Variants in MRTFB observed in about 807,000 individuals in gnomAD.
The protein encoded by MRTFB is myocardin related transcription factor B.
Under a neutral mutation model 104.2 loss-of-function variants are expected in MRTFB, and 29 were observed. The ratio of observed to expected loss-of-function variants is 0.28; its 90% CI spans 0.21 to 0.38. The LOEUF (loss-of-function observed/expected upper bound fraction) is 0.38, where lower values mean the gene tolerates loss of function less well. Ranked by LOEUF, MRTFB falls within the 10% of genes least tolerant of loss-of-function variation. MRTFB has a pLI of 1.00. For missense variants in MRTFB, 1,270 were observed against 1,341.6 expected (o/e 0.95, Z 0.83); for synonymous variants, 535 against 519.5 (o/e 1.03, Z -0.41).
At chr16:14,182,183 C>T (rs2039792701) in intron 3 of MRTFB, among the ~76,000 whole-genome samples, 2 of 152,332 alleles carry the variant, frequency 1.3e-5, no homozygotes, top group African/African-American at 4.8e-5. Flanking sequence ...TCTCCTCCAT[C>T]TCTCCCTAAT....
the MRTFB span, among the ~76,000 whole-genome samples, chr16:13,995,791 G>A: frequency 6.6e-6 from 1 of 152,026 alleles, no homozygotes; most frequent in African/African-American, 2.4e-5. Context: ...TAACCAACTA[G>A]ATCTAGTGAG....
At chr16:14,006,332 A>G in the MRTFB span, among the ~76,000 whole-genome samples, 21 of 150,612 alleles carry the variant, frequency 1.4e-4, no homozygotes, top group East Asian at 3.7e-3. Flanking sequence ...AACAAGAGCA[A>G]AACTCGTCTC....
At chr16:14,036,634 A>G in the MRTFB span, among the ~76,000 whole-genome samples, 1 of 151,428 alleles carries the variant, frequency 6.6e-6, no homozygotes, top group Non-Finnish European at 1.5e-5. Context: ...TATACATTCC[A>G]TCATATATAT....
Position 14,246,729 on chromosome 16 carries a change from C to A in MRTFB, c.1469C>A (p.Thr490Asn), listed in dbSNP as rs1279753861. Residue 490 changes from threonine (T) to asparagine (N), a missense_variant, in exon 12 of 17, where the codon ACC (threonine) becomes AAC (asparagine). By Grantham distance (65) the Thr-to-Asn change is moderately conservative. Coordinates refer to ENST00000571589, the MANE Select transcript of MRTFB (RefSeq NM_001308142.2). ...AAGGCAGAATTGCCACCTACAGGAA[C>A]CAGCAACGCAACCCGTGTGGAAAAT... The part of the protein sequence containing the change: ...TLKAELPPTG[T>N]SNATRVENVH... The A allele has an allele frequency of 6.2e-7, 1 of 1,614,038 alleles. No individual in the cohort carries two copies. Among genetic ancestry groups the A allele is most frequent in the East Asian group, 2.2e-5 (1 of 44,876 alleles).
At chr16:14,098,324 A>G (rs1324895677) in intron 2 of MRTFB, among the ~76,000 whole-genome samples, 3 of 152,128 alleles carry the variant, frequency 2.0e-5, no homozygotes, top group African/African-American at 7.2e-5. Flanking sequence ...GCATTTTCCT[A>G]ATGACTAATG....
chr16:14,170,364 T>C (rs1454314385), intron 3 of MRTFB: 1 of 152,068 alleles, frequency 6.6e-6, no homozygotes, highest in African/African-American at 2.4e-5. Context: ...AAGAGAGAGG[T>C]TCCCTTGCAA....
chr16:14,245,627 A>G lies in MRTFB; in HGVS notation c.1179A>G (p.Pro393=). 1 of 1,614,130 alleles carries G rather than the reference A, an allele frequency of 6.2e-7. No individual in the cohort carries two copies. Among genetic ancestry groups the G allele is most frequent in the Non-Finnish European group, 8.5e-7 (1 of 1,180,014 alleles). Residue 393 remains proline, a synonymous_variant, in exon 11 of 17, where the codon CCA becomes CCG. Coordinates refer to ENST00000571589, the MANE Select transcript of MRTFB (RefSeq NM_001308142.2). ...RQNTSTPVRK[P]GPLPSSLDDL... ...ATACATCTACTCCTGTGAGAAAGCC[A>G]GGACCTCTGCCTTCTAGCCTGGATG... is the stretch of plus-strand genomic sequence containing the variant.
At chr16:14,257,300 C>A (rs1477660831) in intron 15 of MRTFB, among the ~76,000 whole-genome samples, 1 of 152,136 alleles carries the variant, frequency 6.6e-6, no homozygotes, top group East Asian at 1.9e-4. Flanking sequence ...CAAATGTTCA[C>A]AACAACTTTT....
At chr16:14,080,036 C>T (rs1030614324) in intron 2 of MRTFB, among the ~76,000 whole-genome samples, 2 of 152,160 alleles carry the variant, frequency 1.3e-5, no homozygotes, top group Admixed American at 6.5e-5. Context: ...TACTGGCTGC[C>T]TAATGTTCCA....
At position 14,175,684 on chromosome 16, in the gene MRTFB, A is replaced by G. The variant is rs548587276; in HGVS notation, c.155-34559A>G. Reference sequence around the variant, plus strand: ...ACAAATGTTCATAACAGACTTATTCATAGTAGCTCAAAGTTGAAAACTACC... The same window carrying G: ...ACAAATGTTCATAACAGACTTATTCGTAGTAGCTCAAAGTTGAAAACTACC... On this transcript the variant is annotated intron_variant, in intron 3 of 16. Coordinates refer to ENST00000571589, the MANE Select transcript of MRTFB (RefSeq NM_001308142.2). Among the ~76,000 whole-genome samples the G allele has an allele frequency of 1.1e-4, 16 of 152,358 alleles. No individual in the cohort carries two copies. The East Asian group carries it at 3.1e-3, about 29-fold the overall frequency.
At chr16:14,159,066 A>T (rs1454927489) in intron 3 of MRTFB, among the ~76,000 whole-genome samples, 2 of 151,928 alleles carry the variant, frequency 1.3e-5, no homozygotes, top group Non-Finnish European at 2.9e-5. Context: ...GCTTGAGCCC[A>T]GGAATTGGTG....
At chr16:14,020,225 A>G in the MRTFB span, 2 of 152,150 alleles carry the variant, frequency 1.3e-5, no homozygotes, top group Non-Finnish European at 2.9e-5. Context: ...TCTGCCTCCC[A>G]TGCAAGCATC....
At chr16:14,049,805 T>C in the MRTFB span, among the ~76,000 whole-genome samples, 1 of 152,348 alleles carries the variant, frequency 6.6e-6, no homozygotes, top group East Asian at 1.9e-4. Context: ...CGATCTCGGC[T>C]CACTGCAAGC....
At chr16:14,155,033 T>C (rs2038776966) in intron 3 of MRTFB, among the ~76,000 whole-genome samples, 1 of 152,226 alleles carries the variant, frequency 6.6e-6, no homozygotes, top group Non-Finnish European at 1.5e-5. Context: ...GGGACTACCC[T>C]AAAGGCTGCC....
At chr16:14,178,310 T>A (rs772569069) in intron 3 of MRTFB, among the ~76,000 whole-genome samples, 1 of 152,224 alleles carries the variant, frequency 6.6e-6, no homozygotes, top group Non-Finnish European at 1.5e-5. Context: ...GAGAAAGCTA[T>A]GAGGATAGTA....
chr16:14,235,960 T>G (rs530383791), intron 9 of MRTFB, among the ~76,000 whole-genome samples: 8 of 152,332 alleles, frequency 5.3e-5, no homozygotes, highest in Non-Finnish European at 8.8e-5. Context: ...GCAGGCAGAT[T>G]GCTTGAGCTC....
chr16:14,079,794 A>G (rs1273432008), intron 2 of MRTFB, among the ~76,000 whole-genome samples: 1 of 152,032 alleles, frequency 6.6e-6, no homozygotes, highest in Non-Finnish European at 1.5e-5. Flanking sequence ...TATCCGTATA[A>G]AACAACATAA....
At position 14,095,166 on chromosome 16, in the gene MRTFB, G is replaced by A. The variant is rs1047249087; in HGVS notation, c.-64+15812G>A. 2.0e-5 allele frequency among the ~76,000 whole-genome samples: 3 copies of A among 152,190 alleles called. No individual in the cohort carries two copies. The East Asian group carries it at 5.8e-4, about 29-fold the overall frequency. On this transcript the variant is annotated intron_variant, in intron 2 of 16. Coordinates refer to ENST00000571589, the MANE Select transcript of MRTFB (RefSeq NM_001308142.2). ...TGGGTATACCCAGTCCTGCCACAGT[G>A]TTGTTTCTCTCCCATGTTAAGACAT...
chr16:14,121,703 G>A (rs1379113289), intron 2 of MRTFB, among the ~76,000 whole-genome samples: 1 of 152,062 alleles, frequency 6.6e-6, no homozygotes, highest in Non-Finnish European at 1.5e-5. Flanking sequence ...GACTGTAAAG[G>A]TAGCACACGC....
Sources: gnomAD v4.1 joint callset for allele counts (sites outside exome capture counted in the v4.1 genomes callset) on GRCh38, gnomAD v4.1.1 for gene constraint, MANE v1.5 for transcripts, NCBI Gene and HGNC (gene_info 2026-07-23, HGNC 2026-07-21) for gene names.